Variants in NLGN1 observed in about 807,000 individuals in gnomAD.
NLGN1 encodes the protein neuroligin-1.
Under a neutral mutation model 65.5 loss-of-function variants are expected in NLGN1, and 12 were observed. The ratio of observed to expected loss-of-function variants is 0.18; its 90% CI spans 0.12 to 0.30. NLGN1 has a LOEUF of 0.30. Ranked by LOEUF, NLGN1 falls within the 10% of genes least tolerant of loss-of-function variation. NLGN1 has a pLI of 1.00. For missense variants in NLGN1, 750 were observed against 1,007.1 expected (o/e 0.74, Z 3.46); for synonymous variants, 350 against 359.5 (o/e 0.97, Z 0.30).
intron 1 of NLGN1, among the ~76,000 whole-genome samples, chr3:173,430,016 C>T (rs185722924): frequency 7.8e-4 from 119 of 152,292 alleles, no homozygotes; most frequent in South Asian, 1.4e-3. Context: ...CTTCACCCTA[C>T]GGGCATTTAT....
At chr3:173,450,529 A>G (rs1050006618) in intron 2 of NLGN1, among the ~76,000 whole-genome samples, 43 of 152,032 alleles carry the variant, frequency 2.8e-4, no homozygotes, top group Non-Finnish European at 5.0e-4. Flanking sequence ...TGAATCTGAC[A>G]ATTATGTGTC....
chr3:173,881,388 C>T (rs377678114), intron 4 of NLGN1, among the ~76,000 whole-genome samples: 13 of 148,030 alleles, frequency 8.8e-5, no homozygotes, highest in East Asian at 6.1e-4. Flanking sequence ...TGAGCCACTG[C>T]GCCCAGCCAG....
At chr3:173,888,412 A>G (rs550369337) in intron 4 of NLGN1, among the ~76,000 whole-genome samples, 1 of 152,154 alleles carries the variant, frequency 6.6e-6, no homozygotes, top group South Asian at 2.1e-4. Flanking sequence ...GAGTTGTTAT[A>G]CTGTAATTTT....
At chr3:173,481,987 T>C (rs1206195487) in intron 2 of NLGN1, among the ~76,000 whole-genome samples, 3 of 152,022 alleles carry the variant, frequency 2.0e-5, no homozygotes, top group African/African-American at 7.2e-5. Context: ...TTTTATGAAT[T>C]GCTGAGGTCT....
exon 7 of NLGN1, chr3:174,284,456 T>C (rs959535584): frequency 3.3e-5 from 5 of 151,440 alleles, no homozygotes; most frequent in Admixed American, 2.0e-4. Flanking sequence ...TAAAATAATA[T>C]TTTTGGCATT....
intron 4 of NLGN1, among the ~76,000 whole-genome samples, chr3:173,841,485 G>A (rs1724773628): frequency 6.6e-6 from 1 of 152,116 alleles, no homozygotes; most frequent in African/African-American, 2.4e-5. Flanking sequence ...TTGATTTAAG[G>A]CTGTGGTGAG....
chr3:173,593,833 T>C (rs6793521), intron 2 of NLGN1, among the ~76,000 whole-genome samples: 137,375 of 152,194 alleles, frequency 0.9, 62,116 homozygotes, highest in South Asian at 0.94. Context: ...TGGCGGGAGA[T>C]GAAAGGCACT....
chr3:174,005,366 T>C (rs1174868052), intron 4 of NLGN1, among the ~76,000 whole-genome samples: 4 of 152,206 alleles, frequency 2.6e-5, no homozygotes, highest in African/African-American at 9.6e-5. Flanking sequence ...CTCGTGTGTA[T>C]TGCTTCCCAT....
chr3:173,448,422 A>G (rs1720804431), intron 2 of NLGN1, among the ~76,000 whole-genome samples: 2 of 152,200 alleles, frequency 1.3e-5, no homozygotes, highest in African/African-American at 2.4e-5. Flanking sequence ...CCACTTGATC[A>G]TGGTGGATAA....
intron 4 of NLGN1, among the ~76,000 whole-genome samples, chr3:174,162,501 G>A (rs968407539): frequency 1.1e-4 from 16 of 151,964 alleles, no homozygotes; most frequent in African/African-American, 3.4e-4. Context: ...CATTATGTTT[G>A]TTCTGCTTTT....
intron 3 of NLGN1, among the ~76,000 whole-genome samples, chr3:173,711,098 T>C (rs1768883689): frequency 6.6e-6 from 1 of 152,182 alleles, no homozygotes; most frequent in African/African-American, 2.4e-5. Context: ...ATATTCTAAA[T>C]TGTGCAAACA....
chr3:173,670,086 A>G (rs1762257437), intron 3 of NLGN1, among the ~76,000 whole-genome samples: 1 of 152,144 alleles, frequency 6.6e-6, no homozygotes, highest in Non-Finnish European at 1.5e-5. Flanking sequence ...TTTTCCTATA[A>G]ATAGGGAGAA....
At chr3:174,192,885 A>C (rs912786262) in intron 4 of NLGN1, among the ~76,000 whole-genome samples, 5 of 151,922 alleles carry the variant, frequency 3.3e-5, no homozygotes, top group African/African-American at 1.2e-4. Flanking sequence ...TTGCATTTCC[A>C]TATATCTGGG....
intron 4 of NLGN1, among the ~76,000 whole-genome samples, chr3:173,956,632 T>C (rs1712122165): frequency 6.6e-6 from 1 of 152,186 alleles, no homozygotes; most frequent in Non-Finnish European, 1.5e-5. Context: ...CCTGCCACTG[T>C]ATGGTTGAGT....
At chr3:173,831,910 A>C (rs915741180) in intron 4 of NLGN1, among the ~76,000 whole-genome samples, 2 of 151,936 alleles carry the variant, frequency 1.3e-5, no homozygotes, top group African/African-American at 4.8e-5. Context: ...TAAACAGGCT[A>C]TCTTTATAAT....
intron 3 of NLGN1, among the ~76,000 whole-genome samples, chr3:173,722,158 G>C (rs1394504131): frequency 6.6e-6 from 1 of 151,438 alleles, no homozygotes; most frequent in Non-Finnish European, 1.5e-5. Context: ...GATAGCCTTT[G>C]CTGTCTCAGT....
At chr3:173,525,230 T>TTTGTTGTTGTTG (rs34726754) in intron 2 of NLGN1, among the ~76,000 whole-genome samples, 1 of 150,236 alleles carries the variant, frequency 6.7e-6, no homozygotes, top group Non-Finnish European at 1.5e-5. Flanking sequence ...GGGTGGGTTT[T>TTTGTTGTTGTTG]TTGTTGTTGT....
chr3:173,711,085 G>A (rs182865930), intron 3 of NLGN1, among the ~76,000 whole-genome samples: 1 of 152,140 alleles, frequency 6.6e-6, no homozygotes, highest in African/African-American at 2.4e-5. Flanking sequence ...TCCATAATTG[G>A]TCATATTCTA....
intron 4 of NLGN1, among the ~76,000 whole-genome samples, chr3:173,996,696 A>G (rs1168795327): frequency 1.3e-5 from 2 of 152,128 alleles, no homozygotes; most frequent in African/African-American, 2.4e-5. Flanking sequence ...CATAATTTTT[A>G]CCTTTGTTCT....
Sources: gnomAD v4.1 joint callset for allele counts (sites outside exome capture counted in the v4.1 genomes callset) on GRCh38, gnomAD v4.1.1 for gene constraint, MANE v1.5 for transcripts, NCBI Gene and HGNC (gene_info 2026-07-23, HGNC 2026-07-21) for gene names.